The following CHCHD6 variants were observed in gnomAD, a reference collection of about 807,000 sequenced individuals.
The protein encoded by CHCHD6 is coiled-coil-helix-coiled-coil-helix domain containing 6, also known as MICOS complex subunit MIC25.
A neutral mutation model predicts 32.3 loss-of-function variants in CHCHD6; 28 were observed. The ratio of observed to expected loss-of-function variants is 0.87; its 90% CI spans 0.64 to 1.19. CHCHD6 has a LOEUF of 1.19. Ranked by LOEUF, CHCHD6 falls within the 50% of genes most tolerant of loss-of-function variation. The pLI is 0.00. For synonymous variants in CHCHD6, 122 were observed against 117.5 expected (o/e 1.04, Z -0.25); for missense variants, 333 against 307.0 (o/e 1.08, Z -0.63).
At position 126,806,092 on chromosome 3, in the gene CHCHD6, A is replaced by G. The variant is rs565584228; in HGVS notation, c.412-46555A>G. Among the ~76,000 whole-genome samples, 667 of 152,368 alleles carry G rather than the reference A, an allele frequency of 4.4e-3. 4 individuals carry two copies. Among genetic ancestry groups the G allele is most frequent in the Non-Finnish European group, 5.3e-3 (358 of 68,038 alleles). ...CTTAAATATTAGACCTAAAACCATA[A>G]AAACCCTAGAAGAAAACCTAGACAT... On this transcript the variant is annotated intron_variant, in intron 4 of 7. Transcript: ENST00000290913.
chr3:126,706,439 C>CG (rs1357085593), intron 1 of CHCHD6, among the ~76,000 whole-genome samples: 2 of 152,162 alleles, frequency 1.3e-5, no homozygotes, highest in African/African-American at 4.8e-5. Flanking sequence ...AATTCCCCCC[C>CG]ATGATGTATG....
intron 4 of CHCHD6, among the ~76,000 whole-genome samples, chr3:126,805,424 C>G (rs1211920005): frequency 6.6e-6 from 1 of 151,924 alleles, no homozygotes; most frequent in Non-Finnish European, 1.5e-5. Flanking sequence ...AACAGAGAGC[C>G]AAATCATGAG....
At chr3:126,718,435 A>G (rs995820154) in intron 1 of CHCHD6, among the ~76,000 whole-genome samples, 9 of 152,198 alleles carry the variant, frequency 5.9e-5, no homozygotes, top group African/African-American at 2.2e-4. Context: ...CATTTAACAG[A>G]TGAGGAAACT....
intron 6 of CHCHD6, chr3:126,935,097 G>T (rs1195270355): frequency 3.0e-6 from 3 of 986,576 alleles, no homozygotes; most frequent in African/African-American, 1.7e-5. Flanking sequence ...TCGTTCCAGG[G>T]TTTACTTGTG....
At chr3:126,902,114 A>G (rs2077937009) in intron 5 of CHCHD6, among the ~76,000 whole-genome samples, 1 of 152,248 alleles carries the variant, frequency 6.6e-6, no homozygotes, top group African/African-American at 2.4e-5. Flanking sequence ...GATTCTCAAC[A>G]TGAGCTGCAC....
chr3:126,947,249 C>T (rs1035424225), intron 6 of CHCHD6, among the ~76,000 whole-genome samples: 7 of 152,246 alleles, frequency 4.6e-5, no homozygotes, highest in Non-Finnish European at 8.8e-5. Context: ...TGCTTTTCTT[C>T]CCACCTCATG....
At chr3:126,818,161 A>G (rs2107534950) in intron 4 of CHCHD6, among the ~76,000 whole-genome samples, 1 of 151,278 alleles carries the variant, frequency 6.6e-6, no homozygotes, top group Middle Eastern at 3.4e-3. Context: ...AACTAGACAG[A>G]CTCTTTTCCT....
chr3:126,827,347 C>T (rs552531257), intron 4 of CHCHD6, among the ~76,000 whole-genome samples: 19 of 152,242 alleles, frequency 1.2e-4, no homozygotes, highest in Admixed American at 7.8e-4. Context: ...GGCTGCCATG[C>T]GTCATCTGGG....
At chr3:126,884,767 G>A (rs867063076) in intron 5 of CHCHD6, among the ~76,000 whole-genome samples, 17 of 152,282 alleles carry the variant, frequency 1.1e-4, no homozygotes, top group Middle Eastern at 6.8e-3. Context: ...CAAAACATCA[G>A]ACAGGTGGGA....
chr3:126,760,982 C>T (rs879811327), intron 4 of CHCHD6, among the ~76,000 whole-genome samples: 18 of 152,138 alleles, frequency 1.2e-4, no homozygotes, highest in Non-Finnish European at 2.6e-4. Flanking sequence ...TACAGCTGTG[C>T]ACCACCATGC....
chr3:126,863,658 C>A (rs1942071195), intron 5 of CHCHD6, among the ~76,000 whole-genome samples: 1 of 146,078 alleles, frequency 6.8e-6, no homozygotes, highest in Non-Finnish European at 1.5e-5. Flanking sequence ...CCACCTCCCC[C>A]TCCTCCACCA....
chr3:126,865,741 A>G, intron 5 of CHCHD6: 4 of 984,912 alleles, frequency 4.1e-6, no homozygotes, highest in Non-Finnish European at 4.8e-6. Context: ...TGCTTCTGGT[A>G]TGTTTGCTAA....
At chr3:126,790,365 G>A (rs1256969148) in intron 4 of CHCHD6, among the ~76,000 whole-genome samples, 5 of 152,064 alleles carry the variant, frequency 3.3e-5, no homozygotes, top group Non-Finnish European at 5.9e-5. Context: ...TTTGAATGTT[G>A]GCCTGCCTTG....
At chr3:126,826,756 C>T (rs1234597633) in intron 4 of CHCHD6, among the ~76,000 whole-genome samples, 1 of 152,174 alleles carries the variant, frequency 6.6e-6, no homozygotes. Flanking sequence ...TGTCACCACA[C>T]TGTGTTGACA....
At chr3:126,737,131 A>C (rs1316484817) in intron 4 of CHCHD6, among the ~76,000 whole-genome samples, 1 of 151,922 alleles carries the variant, frequency 6.6e-6, no homozygotes, top group Non-Finnish European at 1.5e-5. Context: ...GACCAGCCTG[A>C]CCAACATGGT....
intron 1 of CHCHD6, among the ~76,000 whole-genome samples, chr3:126,706,761 G>A (rs1431251834): frequency 6.6e-6 from 1 of 152,092 alleles, no homozygotes; most frequent in African/African-American, 2.4e-5. Context: ...CTTGAGGGTT[G>A]AGGAATTCAC....
intron 4 of CHCHD6, among the ~76,000 whole-genome samples, chr3:126,751,503 CAA>C (rs774893414): frequency 6.0e-4 from 43 of 71,750 alleles, no homozygotes; most frequent in African/African-American, 1.1e-3. Flanking sequence ...GACCCTGTCT[CAA>C]AAAAAAAAAA....
chr3:126,949,119 C>T (rs1420806876), intron 6 of CHCHD6: 1 of 152,510 alleles, frequency 6.6e-6, no homozygotes, highest in African/African-American at 2.4e-5. Context: ...GTTTCCTTCC[C>T]TCCAATGCTC....
In CHCHD6 at chr3:126,881,033, A is replaced by G. The variant is rs16837753; in HGVS notation, c.495+28303A>G. On this transcript the variant is annotated intron_variant, in intron 5 of 7. Transcript: ENST00000290913. ...AGGAAAGATCTCTGAGTCAGATTCTAAATGGGCAGAGCACACATTTGCAGA... is the reference window on the plus strand; with the variant it reads ...AGGAAAGATCTCTGAGTCAGATTCTGAATGGGCAGAGCACACATTTGCAGA... Among the ~76,000 whole-genome samples the G allele has an allele frequency of 1.0e-3, 153 of 152,352 alleles. 3 individuals are homozygous for G. The East Asian group carries it at 0.024, about 24-fold the overall frequency.
Sources: gnomAD v4.1 joint callset for allele counts (sites outside exome capture counted in the v4.1 genomes callset) on GRCh38, gnomAD v4.1.1 for gene constraint, MANE v1.5 for transcripts, NCBI Gene and HGNC (gene_info 2026-07-23, HGNC 2026-07-21) for gene names.